Variants in UGT1A4 observed in about 807,000 individuals in gnomAD.
The protein encoded by UGT1A4 is UDP glucuronosyltransferase family 1 member A4.
In UGT1A4, 32 loss-of-function variants were observed where a neutral mutation model predicts 41.1. That is an observed-to-expected ratio of 0.78 (90% confidence interval 0.59 to 1.05). The LOEUF is 1.05. UGT1A4 is among the 50% of genes least tolerant of loss of function. The pLI is 0.00. For synonymous variants in UGT1A4, 283 were observed against 265.1 expected, an observed-to-expected ratio of 1.07 and a Z score of -0.66; for missense variants, 748 against 677.4, an observed-to-expected ratio of 1.10 and a Z score of -1.16.
Position 233,736,954 on chromosome 2 carries a change from C to T in UGT1A4, c.867+17267C>T, listed in dbSNP as rs1375491683. On this transcript the variant is annotated intron_variant, in intron 1 of 4. Coordinates refer to ENST00000373409, the MANE Select transcript of UGT1A4 (RefSeq NM_007120.3). The stretch of plus-strand genomic sequence containing the variant: ...CCACCTATATGAGGTGTCTGTTGGC[C>T]CCTACTGGGAGGTGTTTCCCAGTCA... Among the ~76,000 whole-genome samples, 8 of 152,168 alleles carry T rather than the reference C, an allele frequency of 5.3e-5. No homozygotes were observed. The East Asian group carries it at 1.3e-3, about 26-fold the overall frequency.
chr2:233,758,976 C>A (rs1219647743), intron 1 of UGT1A4, among the ~76,000 whole-genome samples: 1 of 152,198 alleles, frequency 6.6e-6, no homozygotes, highest in Non-Finnish European at 1.5e-5. Flanking sequence ...TCCCCTGGAT[C>A]TTGGGCCAGT....
chr2:233,719,862 G>A (rs1026145959), intron 1 of UGT1A4, among the ~76,000 whole-genome samples, 175 bp downstream of exon 1: 4 of 152,186 alleles, frequency 2.6e-5, no homozygotes, highest in African/African-American at 9.7e-5. Flanking sequence ...AGTGGTCACT[G>A]AGAGGAAGAA....
At chr2:233,721,350 A>C (rs2076940105) in intron 1 of UGT1A4, among the ~76,000 whole-genome samples, 1 of 152,142 alleles carries the variant, frequency 6.6e-6, no homozygotes, top group Non-Finnish European at 1.5e-5. Context: ...TATATTCTTT[A>C]GACTGAACTG....
rs539398300 is a variant in UGT1A4 at position 233,755,129 on chromosome 2, C to T, written c.868-11905C>T. The T allele has an allele frequency of 4.5e-6, 6 of 1,320,750 alleles. No individual in the cohort carries two copies. The South Asian group carries it at 5.7e-5, about 13-fold the overall frequency. 81.8% of individuals were successfully genotyped at this position (1,320,750 alleles called of 1,614,324 possible). ...ACACCTCGTAGGCCTCAGCCACCTG[C>T]TTGAATCTTCTCACCGCTTCCTCCC... On this transcript the variant is annotated intron_variant, in intron 1 of 4. Transcript: ENST00000373409.
intron 1 of UGT1A4, among the ~76,000 whole-genome samples, chr2:233,727,349 G>GT (rs760245596): frequency 1.3e-5 from 2 of 152,230 alleles, no homozygotes; most frequent in Non-Finnish European, 2.9e-5. Context: ...CCATAGTTCT[G>GT]CTATCCTTAG....
In UGT1A4 at chr2:233,747,168, G is replaced by C. The variant is rs1693578395; in HGVS notation, c.868-19866G>C. 4 of 1,593,782 alleles carry C rather than the reference G, an allele frequency of 2.5e-6. No homozygotes were observed. The South Asian group carries it at 4.5e-5, about 18-fold the overall frequency. On this transcript the variant is annotated intron_variant, in intron 1 of 4. Coordinates refer to ENST00000373409, the MANE Select transcript of UGT1A4 (RefSeq NM_007120.3). ...TAAGATGAAGAAAACAAATGTAGGA[G>C]GCACAGCGTGGGGTGGACAGTCAGC...
chr2:233,739,022 G>C (rs1690964112), intron 1 of UGT1A4: 1 of 152,290 alleles, frequency 6.6e-6, no homozygotes, highest in Non-Finnish European at 1.5e-5. Flanking sequence ...TCCAGCCATG[G>C]CTAAAAGGGG....
At chr2:233,764,672 GA>G (rs1265405107) in intron 1 of UGT1A4, among the ~76,000 whole-genome samples, 2 of 152,116 alleles carry the variant, frequency 1.3e-5, no homozygotes, top group Non-Finnish European at 2.9e-5. Context: ...ACGCTCAGAA[GA>G]AAGAACTTGA....
rs773383083 is a variant in UGT1A4, at chr2:233,761,070, G to A, written c.868-5964G>A. 1.4e-5 allele frequency: 23 copies of A among 1,614,070 alleles called. No individual in the cohort carries two copies. The East Asian group carries it at 4.5e-4, about 31-fold the overall frequency. On this transcript the variant is annotated intron_variant, in intron 1 of 4. Transcript: ENST00000373409. ...TCTGGCTGTTTAGAAGTGACTTTGT[G>A]AAGGATTACCCTAGGCCCATCATGC...
intron 1 of UGT1A4, among the ~76,000 whole-genome samples, chr2:233,737,794 C>T (rs140109342): frequency 3.4e-4 from 51 of 152,152 alleles, no homozygotes; most frequent in African/African-American, 1.2e-3. Flanking sequence ...TGGCTCAAAT[C>T]TTCACTATCA....
chr2:233,721,886 T>C (rs1215447049), intron 1 of UGT1A4: 3 of 486,690 alleles, frequency 6.2e-6, no homozygotes, highest in Non-Finnish European at 1.2e-5. Flanking sequence ...AGCCCCTCCA[T>C]TGCAATATCG....
intron 1 of UGT1A4, among the ~76,000 whole-genome samples, chr2:233,733,966 G>A (rs1285977671): frequency 6.6e-6 from 1 of 152,042 alleles, no homozygotes; most frequent in Non-Finnish European, 1.5e-5. Context: ...TGGGGTAGGG[G>A]GAGCGGGGAG....
At chr2:233,733,708 A>C (rs1332027237) in intron 1 of UGT1A4, among the ~76,000 whole-genome samples, 1 of 152,236 alleles carries the variant, frequency 6.6e-6, no homozygotes, top group Middle Eastern at 3.2e-3. Flanking sequence ...TTTGGTTTGC[A>C]GAATTTTACT....
intron 1 of UGT1A4, among the ~76,000 whole-genome samples, chr2:233,724,483 C>A (rs1180664629): frequency 6.5e-4 from 44 of 68,188 alleles, no homozygotes; most frequent in South Asian, 1.6e-3. Flanking sequence ...ACTTCTCAGA[C>A]GGGGCGGCCG....
chr2:233,762,253 C>T (rs1056806461), intron 1 of UGT1A4, among the ~76,000 whole-genome samples: 3 of 152,100 alleles, frequency 2.0e-5, no homozygotes, highest in African/African-American at 7.2e-5. Context: ...AGGCACCCAC[C>T]GAATATGTGT....
At chr2:233,746,367 C>T (rs1317726089) in intron 1 of UGT1A4, among the ~76,000 whole-genome samples, 1 of 151,694 alleles carries the variant, frequency 6.6e-6, no homozygotes, top group Non-Finnish European at 1.5e-5. Flanking sequence ...AGTAACAAGT[C>T]CCTTCATTCT....
chr2:233,738,354 G>C (rs1033187922), intron 1 of UGT1A4, among the ~76,000 whole-genome samples: 1 of 152,188 alleles, frequency 6.6e-6, no homozygotes, highest in Non-Finnish European at 1.5e-5. Flanking sequence ...CATGGAGAGT[G>C]GGGTACTGCT....
chr2:233,722,502 G>A (rs773612729), intron 1 of UGT1A4, among the ~76,000 whole-genome samples: 5 of 152,056 alleles, frequency 3.3e-5, no homozygotes, highest in African/African-American at 9.7e-5. Context: ...TTTCCGTTTC[G>A]TTAATTGCAG....
rs199786512 is a variant in UGT1A4 at position 233,769,592 on chromosome 2, C to A, written c.1307+1153C>A. The A allele has an allele frequency of 6.2e-7, 1 of 1,612,706 alleles. No homozygotes were observed. The highest frequency in any genetic ancestry group is 1.3e-5 in the African/African-American group (1 of 74,904). On this transcript the variant is annotated intron_variant, in intron 4 of 4. Coordinates refer to ENST00000373409, the MANE Select transcript of UGT1A4 (RefSeq NM_007120.3). The surrounding 1 kb of genome is among the most constrained non-coding windows in gnomAD (Gnocchi z 4.4). Reference sequence around the variant, plus strand: ...TGGAGCATGTTCAGATGAGAGGAGACGGAACACGGGGACACACCAGCTTGA... The same window carrying A: ...TGGAGCATGTTCAGATGAGAGGAGAAGGAACACGGGGACACACCAGCTTGA...
Sources: allele counts gnomAD v4.1 joint callset (sites outside exome capture counted in the v4.1 genomes callset), GRCh38; gene constraint gnomAD v4.1.1; non-coding constraint Gnocchi (gnomAD v3.1); transcripts MANE v1.5; gene names NCBI Gene and HGNC (gene_info 2026-07-23, HGNC 2026-07-21).